C5: variants seen among roughly 807,000 people sequenced by gnomAD.
The protein encoded by C5 is C3 and PZP-like alpha-2-macroglobulin domain-containing protein 4.
C5 carries 140 observed loss-of-function variants against 218.8 expected under a neutral mutation model. That is an observed-to-expected ratio of 0.64 (90% CI 0.56 to 0.74). The LOEUF is 0.74. Ranked by LOEUF, C5 falls within the 30% of genes least tolerant of loss-of-function variation. C5 has a pLI of 0.00. For synonymous variants in C5, 614 were observed against 682.3 expected (o/e 0.90, Z 1.56); for missense variants, 1,700 against 1,969.6 (o/e 0.86, Z 2.59).
chr9:121,025,726 C>T (rs2047416247), intron 8 of C5, 146 bp from the exon 9 acceptor site: 1 of 695,824 alleles, frequency 1.4e-6, no homozygotes, highest in South Asian at 1.7e-5. Context: ...TAACCGAGTC[C>T]ACGATTAAGC....
At chr9:121,059,287 A>C in the C5 span, among the ~76,000 whole-genome samples, 4 of 152,178 alleles carry the variant, frequency 2.6e-5, no homozygotes, top group Non-Finnish European at 5.9e-5. This position sits in a 1 kb window ranked among gnomAD's most constrained non-coding sequence, Gnocchi z 4.1. Context: ...CAGTGTTAAT[A>C]ATGGAATTTA....
intron 7 of C5, 39 bp from the exon 8 acceptor site, chr9:121,027,313 T>G: frequency 1.1e-6 from 1 of 940,856 alleles, no homozygotes; most frequent in Non-Finnish European, 1.7e-6. Context: ...ACTAACATGG[T>G]TACAATAACA....
rs1234600306 is a variant in C5 at position 121,025,579 on chromosome 9, A to C, written c.875T>G (p.Leu292Trp). Residue 292 changes from leucine to tryptophan, a missense_variant and splice_region_variant, in exon 9 of 41, where the codon TTG becomes TGG. By Grantham distance (61) the Leu-to-Trp change is moderately conservative (BLOSUM62 -2). Coordinates refer to ENST00000223642, the MANE Select transcript of C5 (RefSeq NM_001735.3). ...TGTGACTTGAGCAATTCCATTTATC[A>C]ACTTTTTAAAAGGAGAAAAAGGAGG... ...MMQTAMQNTM[L>W]INGIAQVTFD... 2 of 1,611,784 alleles carry C rather than the reference A, an allele frequency of 1.2e-6. No homozygotes were observed. Among genetic ancestry groups the C allele is most frequent in the African/African-American group, 2.7e-5 (2 of 74,894 alleles).
rs1449952113 is a variant in C5 at position 120,996,363 on chromosome 9, A to T, written c.2791-63T>A. The T allele has an allele frequency of 9.7e-6, 14 of 1,437,456 alleles. No individual in the cohort carries two copies. The East Asian group carries it at 2.7e-4, about 28-fold the overall frequency. The allele number at this position is 1,437,456 out of a possible 1,614,324, so 89.0% of individuals were successfully genotyped here. On this transcript the variant is annotated intron_variant, in intron 21 of 40. Transcript: ENST00000223642. ...AGTTTATATAACCTGAATTCCCTGG[A>T]TCAACTTTTCTGGACCACTTTTCAA...
At chr9:121,014,559 CTCAGATTAG>C (rs1228330032) in intron 16 of C5, among the ~76,000 whole-genome samples, 1 of 152,078 alleles carries the variant, frequency 6.6e-6, no homozygotes, top group Non-Finnish European at 1.5e-5. Context: ...ATTGTAAGTG[CTCAGATTAG>C]TCAATGTCTC....
the C5 span, among the ~76,000 whole-genome samples, chr9:121,064,177 C>A: frequency 6.6e-6 from 1 of 151,546 alleles, no homozygotes; most frequent in African/African-American, 2.4e-5. Flanking sequence ...ATTTCCATTT[C>A]TTTTCTCTGT....
chr9:120,997,785 A>C lies in C5; in HGVS notation c.2563-11T>G. On this transcript the variant is annotated splice_polypyrimidine_tract_variant and intron_variant, in intron 20 of 40. Coordinates refer to ENST00000223642, the MANE Select transcript of C5 (RefSeq NM_001735.3). ...CATTTTAACACAGAACTGAAATACA[A>C]GTGAAGAATTATATCAAAATACATT... 6.2e-7 allele frequency: 1 copy of C among 1,606,740 alleles called. No homozygotes were observed.
In C5 at chr9:120,970,714, G is replaced by A. The variant is rs996619175; in HGVS notation, c.4081-463C>T. Among the ~76,000 whole-genome samples, 7 of 152,356 alleles carry A rather than the reference G, an allele frequency of 4.6e-5. No individual in the cohort carries two copies. The East Asian group carries it at 1.3e-3, about 29-fold the overall frequency. On this transcript the variant is annotated intron_variant, in intron 31 of 40. Coordinates refer to ENST00000223642, the MANE Select transcript of C5 (RefSeq NM_001735.3). ...ATATTGACACCAACCAGAAGTGGCA[G>A]AAAAGTGGACAATCTCTCCTCCCCC...
intron 23 of C5, among the ~76,000 whole-genome samples, chr9:120,990,064 A>G (rs2047065753): frequency 6.6e-6 from 1 of 152,216 alleles, no homozygotes. Flanking sequence ...TTGCCATTCA[A>G]CCTGTTAGCT....
At chr9:120,966,706 C>T (rs1444809169) in intron 33 of C5, among the ~76,000 whole-genome samples, 3 of 152,042 alleles carry the variant, frequency 2.0e-5, no homozygotes, top group South Asian at 2.1e-4. Context: ...TGGGAAAGGG[C>T]GACCTTACTG....
At chr9:120,993,122 C>A (rs2047089125) in intron 22 of C5, among the ~76,000 whole-genome samples, 1 of 152,136 alleles carries the variant, frequency 6.6e-6, no homozygotes, top group African/African-American at 2.4e-5. Flanking sequence ...GTGCTTTATA[C>A]CCATTAAAAA....
intron 16 of C5, 30 bp downstream of exon 16, chr9:121,015,169 C>CT: frequency 6.9e-7 from 1 of 1,449,528 alleles, no homozygotes; most frequent in Non-Finnish European, 9.7e-7. Context: ...TGACCATAAC[C>CT]TTTTTACAAT....
At chr9:120,989,877 C>CTCAAGAGAGAAGAACAA in intron 23 of C5, 97 bp from the exon 24 acceptor site, 1 of 943,484 alleles carries the variant, frequency 1.1e-6, no homozygotes, top group African/African-American at 1.6e-5. Context: ...GATGGTTCTT[C>CTCAAGAGAGAAGAACAA]CCTTTTTATC....
upstream of C5, among the ~76,000 whole-genome samples, chr9:121,051,154 T>C (rs1381575396): frequency 6.6e-6 from 1 of 151,340 alleles, no homozygotes; most frequent in African/African-American, 2.4e-5. Context: ...ACAGAGTCTC[T>C]TTCTGTCGCC....
In C5 at chr9:121,046,128, T is replaced by C. The variant is rs901484135; in HGVS notation, c.258+63A>G. 2.7e-5 allele frequency: 23 copies of C among 838,738 alleles called. No individual in the cohort carries two copies. The Admixed American group carries it at 3.7e-4, about 14-fold the overall frequency. 52.0% of individuals were successfully genotyped at this position (838,738 alleles called of 1,614,324 possible). ...ATATGTTATCAATATTCAAACTTTG[T>C]ACACATTTTTATTGAGAATATTCTG... is the stretch of plus-strand genomic sequence containing the variant. On this transcript the variant is annotated intron_variant, in intron 2 of 40. Transcript: ENST00000223642.
intron 7 of C5, among the ~76,000 whole-genome samples, chr9:121,028,743 G>C (rs1278273207): frequency 6.6e-6 from 1 of 152,198 alleles, no homozygotes; most frequent in Admixed American, 6.5e-5. Flanking sequence ...CCTAATGTAT[G>C]ATGAGTTAAT....
At chr9:121,039,503 T>C (rs777266530) in intron 3 of C5, among the ~76,000 whole-genome samples, 7 of 151,984 alleles carry the variant, frequency 4.6e-5, no homozygotes, top group Non-Finnish European at 8.8e-5. Flanking sequence ...CCAGGCATGG[T>C]GGCACGCGCC....
At chr9:120,969,255 T>C (rs2046892629) in intron 32 of C5, 137 bp from the exon 33 acceptor site, 2 of 743,702 alleles carry the variant, frequency 2.7e-6, no homozygotes, top group African/African-American at 1.8e-5. Context: ...TTTGGAAGTT[T>C]AGATACTTTC....
chr9:121,032,835 A>G (rs1188600925), intron 5 of C5, among the ~76,000 whole-genome samples: 1 of 152,104 alleles, frequency 6.6e-6, no homozygotes, highest in East Asian at 1.9e-4. Context: ...CCCCATCTCT[A>G]CAAAAAAATA....
Sources: allele counts gnomAD v4.1 joint callset (sites outside exome capture counted in the v4.1 genomes callset), GRCh38; gene constraint gnomAD v4.1.1; non-coding constraint Gnocchi (gnomAD v3.1); transcripts MANE v1.5; gene names NCBI Gene and HGNC (gene_info 2026-07-23, HGNC 2026-07-21).